BRINP3: variants seen among roughly 807,000 people sequenced by gnomAD.
BRINP3 encodes the protein BMP/retinoic acid-inducible neural-specific protein 3.
A neutral mutation model predicts 71.0 loss-of-function variants in BRINP3; 19 were observed. That is an observed-to-expected ratio of 0.27 (90% CI 0.19 to 0.39). The LOEUF (loss-of-function observed/expected upper bound fraction) is 0.39. Among genes scored for constraint, BRINP3 ranks in the 10% least tolerant of loss-of-function variants. BRINP3 has a pLI of 1.00. For synonymous variants in BRINP3, 380 were observed against 337.7 expected (o/e 1.13, Z -1.37); for missense variants, 959 against 940.8 (o/e 1.02, Z -0.25).
chr1:190,258,980 T>C (rs1454817729), intron 4 of BRINP3, among the ~76,000 whole-genome samples: 1 of 152,092 alleles, frequency 6.6e-6, no homozygotes, highest in Non-Finnish European at 1.5e-5. Context: ...TGAATAAACC[T>C]AGTGAAGAGA....
At chr1:190,167,418 G>A (rs1012975692) in intron 6 of BRINP3, among the ~76,000 whole-genome samples, 3 of 152,030 alleles carry the variant, frequency 2.0e-5, no homozygotes, top group Non-Finnish European at 4.4e-5. Context: ...GGACCTATAT[G>A]CCTGCATATA....
chr1:190,437,297 G>A (rs1363816625), intron 2 of BRINP3, among the ~76,000 whole-genome samples: 2 of 151,718 alleles, frequency 1.3e-5, no homozygotes, highest in African/African-American at 2.4e-5. Flanking sequence ...ACAGAGTTGT[G>A]AGACACAAAC....
chr1:190,221,035 T>C (rs983426903), intron 6 of BRINP3, among the ~76,000 whole-genome samples: 2 of 152,078 alleles, frequency 1.3e-5, no homozygotes, highest in Non-Finnish European at 2.9e-5. Context: ...CTGGCCAACA[T>C]GGTGAAACCC....
chr1:190,180,818 T>C (rs1410315378), intron 6 of BRINP3, among the ~76,000 whole-genome samples: 1 of 152,066 alleles, frequency 6.6e-6, no homozygotes, highest in Admixed American at 6.6e-5. Context: ...ATTTAACATT[T>C]TATTTTAAAA....
intron 6 of BRINP3, among the ~76,000 whole-genome samples, chr1:190,203,310 A>G (rs997589552): frequency 5.9e-5 from 9 of 151,958 alleles, no homozygotes; most frequent in Admixed American, 1.3e-4. Context: ...TTTTTAAAAC[A>G]TATGCCTCTA....
chr1:190,264,860 C>T lies in BRINP3; in HGVS notation c.618+5G>A, dbSNP rs961690359. ...GTGATAATTTTAGCGTAAACTCATTCTTACCTTTATGGCAGTGGATGCAAT... is the reference window on the plus strand; with the variant it reads ...GTGATAATTTTAGCGTAAACTCATTTTTACCTTTATGGCAGTGGATGCAAT... On this transcript the variant is annotated splice_donor_5th_base_variant and intron_variant, in intron 4 of 7. Transcript: ENST00000367462. 1.3e-5 allele frequency: 21 copies of T among 1,611,348 alleles called. No individual in the cohort carries two copies. Among genetic ancestry groups the T allele is most frequent in the Non-Finnish European group, 1.8e-5 (21 of 1,178,796 alleles).
chr1:190,313,756 T>C (rs1256541596), intron 2 of BRINP3, among the ~76,000 whole-genome samples: 2 of 152,110 alleles, frequency 1.3e-5, no homozygotes, highest in South Asian at 4.1e-4. Context: ...TTTAAAGAAA[T>C]AAATGAATTA....
rs556610180 is a variant in BRINP3 at position 190,306,147 on chromosome 1, C to T, written c.237-24397G>A. Among the ~76,000 whole-genome samples, 3 of 151,726 alleles carry T rather than the reference C, an allele frequency of 2.0e-5. No homozygotes were observed. In the South Asian group the frequency reaches 6.2e-4, roughly 32 times the overall value. On this transcript the variant is annotated intron_variant, in intron 2 of 7. Transcript: ENST00000367462. Reference sequence around the variant, plus strand: ...TGCATCTATAAATACAATCATCACTCTTGTAGAGATGATAAAACAAAGACT... The same window carrying T: ...TGCATCTATAAATACAATCATCACTTTTGTAGAGATGATAAAACAAAGACT...
At chr1:190,102,132 G>A (rs1389477798) in intron 7 of BRINP3, among the ~76,000 whole-genome samples, 1 of 152,042 alleles carries the variant, frequency 6.6e-6, no homozygotes, top group Non-Finnish European at 1.5e-5. Flanking sequence ...CTACAAGGAG[G>A]AAATAGATTT....
At chr1:190,128,984 A>C (rs1313905968) in intron 7 of BRINP3, among the ~76,000 whole-genome samples, 2 of 151,862 alleles carry the variant, frequency 1.3e-5, no homozygotes, top group Non-Finnish European at 2.9e-5. Context: ...TTATTATCTC[A>C]TAAGAATAAA....
intron 1 of BRINP3, among the ~76,000 whole-genome samples, chr1:190,469,311 T>C (rs972790050): frequency 7.3e-5 from 11 of 151,002 alleles, no homozygotes; most frequent in Non-Finnish European, 1.3e-4. Flanking sequence ...TATATATTAG[T>C]GAACTGGTCT....
rs1558255327 is a variant in BRINP3, at chr1:190,403,833, T to A, written c.236+50822A>T. Among the ~76,000 whole-genome samples, 4 of 152,358 alleles carry A rather than the reference T, an allele frequency of 2.6e-5. No individual in the cohort carries two copies. In the East Asian group the frequency reaches 7.7e-4, roughly 29 times the overall value. Reference sequence around the variant, plus strand: ...TCACTACACACACACTGATTTCGAATAACTTTTCATTCCTTCAAACAATTG... The same window carrying A: ...TCACTACACACACACTGATTTCGAAAAACTTTTCATTCCTTCAAACAATTG... On this transcript the variant is annotated intron_variant, in intron 2 of 7. Transcript: ENST00000367462.
At chr1:190,190,066 C>T (rs531911577) in intron 6 of BRINP3, among the ~76,000 whole-genome samples, 28 of 152,120 alleles carry the variant, frequency 1.8e-4, no homozygotes, top group Admixed American at 1.6e-3. Flanking sequence ...GGACCTTGGG[C>T]GAATGATATT....
intron 2 of BRINP3, among the ~76,000 whole-genome samples, chr1:190,381,595 C>A (rs990198689): frequency 2.6e-5 from 4 of 152,030 alleles, no homozygotes; most frequent in African/African-American, 9.7e-5. Flanking sequence ...CTTAAGTTTT[C>A]CCCTTAGCCA....
At chr1:190,390,962 C>T (rs180998618) in intron 2 of BRINP3, among the ~76,000 whole-genome samples, 39 of 151,810 alleles carry the variant, frequency 2.6e-4, no homozygotes, top group Admixed American at 2.6e-4. Context: ...TAAATGTAAT[C>T]CTTTAGAGTA....
intron 2 of BRINP3, among the ~76,000 whole-genome samples, chr1:190,417,899 T>C (rs924217189): frequency 6.6e-5 from 10 of 152,194 alleles, no homozygotes; most frequent in Non-Finnish European, 1.2e-4. Context: ...AGATGATTGA[T>C]AGCTATTATT....
chr1:190,249,396 T>A (rs999444576), intron 4 of BRINP3, among the ~76,000 whole-genome samples: 12 of 151,852 alleles, frequency 7.9e-5, no homozygotes, highest in African/African-American at 2.9e-4. Context: ...TCACTTACTA[T>A]GTATACATTT....
intron 6 of BRINP3, among the ~76,000 whole-genome samples, chr1:190,165,037 T>C (rs368094867): frequency 3.3e-5 from 5 of 152,170 alleles, no homozygotes; most frequent in East Asian, 1.9e-4. Context: ...AAATTTATTA[T>C]GAAAGCATAG....
intron 6 of BRINP3, among the ~76,000 whole-genome samples, chr1:190,174,469 C>G (rs1018334712): frequency 6.6e-6 from 1 of 151,890 alleles, no homozygotes; most frequent in Non-Finnish European, 1.5e-5. Flanking sequence ...GGATTATAAA[C>G]ACATAAATAT....
Sources: allele counts gnomAD v4.1 joint callset (sites outside exome capture counted in the v4.1 genomes callset), GRCh38; gene constraint gnomAD v4.1.1; transcripts MANE v1.5; gene names NCBI Gene and HGNC (gene_info 2026-07-23, HGNC 2026-07-21).